The following KHDRBS2 variants were observed in gnomAD, a reference collection of about 807,000 sequenced individuals.
KHDRBS2 encodes the protein KH RNA binding domain containing, signal transduction associated 2.
Under a neutral mutation model 44.3 loss-of-function variants are expected in KHDRBS2, and 26 were observed. That is an observed-to-expected ratio of 0.59 (90% CI 0.43 to 0.81). The LOEUF is 0.81. Ranked by LOEUF, KHDRBS2 falls within the 40% of genes least tolerant of loss-of-function variation. The probability of loss-of-function intolerance (pLI) is 0.00; values close to 1 mark genes in which losing one functional copy is unlikely to be tolerated. For synonymous variants in KHDRBS2, 194 were observed against 151.1 expected (o/e 1.28, Z -2.08); for missense variants, 476 against 433.1 (o/e 1.10, Z -0.88).
chr6:62,116,411 A>C (rs1231922320), intron 2 of KHDRBS2, among the ~76,000 whole-genome samples: 1 of 152,088 alleles, frequency 6.6e-6, no homozygotes, highest in South Asian at 2.1e-4. Flanking sequence ...AATTCTGCAT[A>C]TAAATGAGTC....
the KHDRBS2 span, among the ~76,000 whole-genome samples, chr6:61,577,127 GTTTTTGTTT>G: frequency 2.3e-5 from 2 of 86,866 alleles, no homozygotes; most frequent in African/African-American, 9.3e-5. Flanking sequence ...CTAACACTCA[GTTTTTGTTT>G]TTTTTGTTTT....
At chr6:61,566,176 A>C in the KHDRBS2 span, among the ~76,000 whole-genome samples, 1 of 152,224 alleles carries the variant, frequency 6.6e-6, no homozygotes, top group African/African-American at 2.4e-5. Context: ...AACATGTGGG[A>C]GCTAAAAAAC....
At chr6:62,043,895 A>G (rs1278548170) in intron 3 of KHDRBS2, among the ~76,000 whole-genome samples, 1 of 152,060 alleles carries the variant, frequency 6.6e-6, no homozygotes, top group East Asian at 1.9e-4. Context: ...TGAGTTTGTC[A>G]TTCTATCTAC....
chr6:62,058,861 T>C (rs951427286), intron 2 of KHDRBS2, among the ~76,000 whole-genome samples: 4 of 151,758 alleles, frequency 2.6e-5, no homozygotes, highest in African/African-American at 7.2e-5. Context: ...GAATTAACCA[T>C]TAAAGCTAAT....
chr6:61,840,120 C>G (rs921894441), intron 6 of KHDRBS2, among the ~76,000 whole-genome samples: 3 of 152,086 alleles, frequency 2.0e-5, no homozygotes, highest in Non-Finnish European at 4.4e-5. Context: ...AGCAGTTCTA[C>G]ATCATTTTCA....
chr6:62,183,018 C>T (rs1400743266), intron 1 of KHDRBS2, among the ~76,000 whole-genome samples: 1 of 151,826 alleles, frequency 6.6e-6, no homozygotes, highest in Non-Finnish European at 1.5e-5. Flanking sequence ...ACTAGCTACA[C>T]TAAATGTTTA....
intron 1 of KHDRBS2, among the ~76,000 whole-genome samples, chr6:62,243,290 G>T (rs764313592): frequency 6.6e-6 from 1 of 151,960 alleles, no homozygotes; most frequent in South Asian, 2.1e-4. Flanking sequence ...GTTTCTATAT[G>T]CTTCTATAAT....
chr6:61,700,067 T>C (rs1768405781), intron 7 of KHDRBS2, among the ~76,000 whole-genome samples: 1 of 151,806 alleles, frequency 6.6e-6, no homozygotes, highest in Admixed American at 6.6e-5. Flanking sequence ...CCTTAAATGA[T>C]TAAGAGGTGG....
intron 6 of KHDRBS2, among the ~76,000 whole-genome samples, chr6:61,819,502 C>A (rs1183025689): frequency 1.3e-5 from 2 of 151,894 alleles, no homozygotes; most frequent in Non-Finnish European, 2.9e-5. Flanking sequence ...ACAGATATAT[C>A]TATAAACAAT....
At chr6:61,848,532 C>T (rs9767321) in intron 6 of KHDRBS2, among the ~76,000 whole-genome samples, 3,651 of 26,594 alleles carry the variant, frequency 0.14, 378 homozygotes, top group African/African-American at 0.22. Flanking sequence ...TATATATATA[C>T]ATATATATGT....
intron 6 of KHDRBS2, among the ~76,000 whole-genome samples, chr6:61,776,314 C>T (rs1253889332): frequency 1.1e-3 from 174 of 151,620 alleles, no homozygotes; most frequent in African/African-American, 3.8e-3. Context: ...ACTAAAGAGC[C>T]TCTGCACAGC....
intron 4 of KHDRBS2, among the ~76,000 whole-genome samples, 163 bp downstream of exon 4, chr6:61,977,903 G>A (rs2127402999): frequency 6.6e-6 from 1 of 152,276 alleles, no homozygotes; most frequent in Non-Finnish European, 1.5e-5. Context: ...CCTGTGTTAA[G>A]TGGTTTTGGT....
At chr6:62,024,518 T>G (rs1390043127) in intron 3 of KHDRBS2, among the ~76,000 whole-genome samples, 1 of 151,598 alleles carries the variant, frequency 6.6e-6, no homozygotes, top group Non-Finnish European at 1.5e-5. Flanking sequence ...AATTTTAAAT[T>G]AAAATAATTC....
intron 1 of KHDRBS2, among the ~76,000 whole-genome samples, chr6:62,273,854 A>G (rs144833940): frequency 2.0e-5 from 3 of 152,224 alleles, no homozygotes; most frequent in Non-Finnish European, 4.4e-5. Context: ...CTAATTACCA[A>G]TGAGCAACCT....
chr6:62,264,629 A>C, intron 1 of KHDRBS2, among the ~76,000 whole-genome samples: 1 of 151,760 alleles, frequency 6.6e-6, no homozygotes. Flanking sequence ...AAATGATCTT[A>C]TTATTATTGT....
intron 3 of KHDRBS2, among the ~76,000 whole-genome samples, chr6:61,999,740 G>A (rs1420305537): frequency 2.6e-5 from 4 of 152,070 alleles, no homozygotes; most frequent in East Asian, 3.9e-4. Flanking sequence ...GAGAAAAGCT[G>A]TTAAATTATG....
At chr6:61,678,234 C>T (rs914421075), downstream of KHDRBS2, among the ~76,000 whole-genome samples, 1 of 151,930 alleles carries the variant, frequency 6.6e-6, no homozygotes, top group African/African-American at 2.4e-5. Context: ...ATCAGCTCAG[C>T]CTGTGGATTT....
intron 2 of KHDRBS2, among the ~76,000 whole-genome samples, chr6:62,058,362 G>T (rs1790788097): frequency 6.6e-6 from 1 of 151,722 alleles, no homozygotes. Flanking sequence ...CCTAACAATT[G>T]AAAATATTGG....
intron 1 of KHDRBS2, among the ~76,000 whole-genome samples, chr6:62,215,500 A>G (rs1410825101): frequency 1.3e-5 from 2 of 151,884 alleles, no homozygotes; most frequent in East Asian, 3.8e-4. Context: ...AAGTCATTGG[A>G]GGATCTTTCA....
Sources: allele counts gnomAD v4.1 joint callset (sites outside exome capture counted in the v4.1 genomes callset), GRCh38; gene constraint gnomAD v4.1.1; transcripts MANE v1.5; gene names NCBI Gene and HGNC (gene_info 2026-07-23, HGNC 2026-07-21).